Variants in KIF1A observed in about 807,000 individuals in gnomAD.
The protein encoded by KIF1A is kinesin-like protein KIF1A.
Under a neutral mutation model 227.3 loss-of-function variants are expected in KIF1A, and 46 were observed. That is an observed-to-expected ratio of 0.20 (90% CI 0.16 to 0.26). The LOEUF is 0.26. KIF1A is among the 10% of genes least tolerant of loss of function. KIF1A has a pLI of 1.00. For missense variants in KIF1A, 1,683 were observed against 2,485.9 expected (o/e 0.68, Z 6.87); for synonymous variants, 1,022 against 1,012.8 (o/e 1.01, Z -0.17).
chr2:240,801,079 A>G (rs1449521952), intron 1 of KIF1A, among the ~76,000 whole-genome samples: 2 of 152,212 alleles, frequency 1.3e-5, no homozygotes, highest in African/African-American at 2.4e-5. Context: ...GTGACATCCA[A>G]TCAAAACTTA....
rs375788788 is a variant in KIF1A at position 240,739,732 on chromosome 2, C to T, written c.3901+326G>A. ...CAGAGAGAGAGAGCGCGCCTCTTGCCGGCACCTTGATTTTGGACCTCTGGC... is the reference window on the plus strand; with the variant it reads ...CAGAGAGAGAGAGCGCGCCTCTTGCTGGCACCTTGATTTTGGACCTCTGGC... On this transcript the variant is annotated intron_variant, in intron 37 of 48. Transcript: ENST00000498729. The surrounding 1 kb of genome is among the most constrained non-coding windows in gnomAD (Gnocchi z 5.6). 1.3e-5 allele frequency among the ~76,000 whole-genome samples: 2 copies of T among 152,084 alleles called. No individual in the cohort carries two copies. The highest frequency in any genetic ancestry group is 4.8e-5 in the African/African-American group (2 of 41,402).
rs2053089964 is a variant in KIF1A, at chr2:240,778,543, C to CACACACACACACACACACAG, written c.883-2618_883-2617insCTGTGTGTGTGTGTGTGTGT. ...ACACACACACACACACACACACACA[C>CACACACACACACACACACAG]AGGCTTCTCAGTGTCCCACGGGCCT... On this transcript the variant is annotated intron_variant, in intron 10 of 48. Transcript: ENST00000498729. This position sits in a 1 kb window ranked among gnomAD's most constrained non-coding sequence, Gnocchi z 7.2. Among the ~76,000 whole-genome samples the CACACACACACACACACACAG allele has an allele frequency of 6.7e-6, 1 of 149,874 alleles. No individual in the cohort carries two copies. Among genetic ancestry groups the CACACACACACACACACACAG allele is most frequent in the Non-Finnish European group, 1.5e-5 (1 of 67,294 alleles).
At chr2:240,737,357 T>C in intron 37 of KIF1A, 189 bp from the exon 38 acceptor site, 1 of 545,186 alleles carries the variant, frequency 1.8e-6, no homozygotes, top group Non-Finnish European at 3.4e-6. Context: ...CCATGTGTAG[T>C]TGCTGCTCCA....
intron 10 of KIF1A, among the ~76,000 whole-genome samples, chr2:240,780,700 T>C (rs1180583305): frequency 6.6e-6 from 1 of 151,130 alleles, no homozygotes; most frequent in Non-Finnish European, 1.5e-5. Flanking sequence ...ATTCCTCTGG[T>C]CCTCACACAG....
intron 44 of KIF1A, among the ~76,000 whole-genome samples, chr2:240,721,377 G>A (rs954297590): frequency 1.3e-5 from 2 of 152,250 alleles, no homozygotes; most frequent in African/African-American, 4.8e-5. Flanking sequence ...GACAAGGAAG[G>A]CCATGGGCCA....
At position 240,788,036 on chromosome 2, in the gene KIF1A, C is replaced by CGGG; in HGVS notation, c.363+14_363+15insCCC. 1 of 1,481,092 alleles carries CGGG rather than the reference C, an allele frequency of 6.8e-7. No individual in the cohort carries two copies. 91.7% of individuals were successfully genotyped at this position (1,481,092 alleles called of 1,614,324 possible). A position where few individuals can be genotyped will look rare whatever the true frequency, so the allele number is the denominator to read the frequency against. On this transcript the variant is annotated intron_variant, in intron 4 of 48. Coordinates refer to ENST00000498729, the MANE Select transcript of KIF1A (RefSeq NM_001244008.2). This position sits in a 1 kb window ranked among gnomAD's most constrained non-coding sequence, Gnocchi z 6.6. ...CATCTGCCAGGGCTGCCCCCGCCCG[C>CGGG]CCCCCGCTTCGTGCCTGTGGGATGA...
At position 240,752,410 on chromosome 2, in the gene KIF1A, C is replaced by T. The variant is rs753411049; in HGVS notation, c.2859-1863G>A. 1.3e-5 allele frequency among the ~76,000 whole-genome samples: 2 copies of T among 152,152 alleles called. No individual in the cohort carries two copies. Among genetic ancestry groups the T allele is most frequent in the African/African-American group, 2.4e-5 (1 of 41,450 alleles). On this transcript the variant is annotated intron_variant, in intron 27 of 48. Transcript: ENST00000498729. The surrounding 1 kb of genome is among the most constrained non-coding windows in gnomAD (Gnocchi z 6.4). ...CTGCTGGGTGCTCCGCAGGCAGGGA[C>T]TCACCAGCATCCCCTTGGGAGGGGG...
At chr2:240,814,965 C>A (rs922811479) in intron 1 of KIF1A, among the ~76,000 whole-genome samples, 1 of 152,198 alleles carries the variant, frequency 6.6e-6, no homozygotes, top group South Asian at 2.1e-4. Flanking sequence ...AAATAAAACA[C>A]CAACCAAGAA....
intron 1 of KIF1A, among the ~76,000 whole-genome samples, chr2:240,816,527 C>T (rs576198371): frequency 2.6e-5 from 4 of 152,242 alleles, no homozygotes; most frequent in South Asian, 2.1e-4. Context: ...CCTCCCTATA[C>T]CCCAAGGCGT....
intron 24 of KIF1A, 139 bp from the exon 25 acceptor site, chr2:240,760,982 C>T (rs1458751573): frequency 6.4e-6 from 6 of 944,180 alleles, no homozygotes; most frequent in African/African-American, 1.7e-5. Flanking sequence ...AGACAGCCGC[C>T]AGGGGGGACC....
In KIF1A at chr2:240,765,798, A is replaced by G; in HGVS notation, c.1685-5T>C. ...AGGGCTCCAAGGTCACCACAGCTACAGGAAAGGTGGGAGGGGCAGAGAGGA... is the reference window on the plus strand; with the variant it reads ...AGGGCTCCAAGGTCACCACAGCTACGGGAAAGGTGGGAGGGGCAGAGAGGA... On this transcript the variant is annotated splice_polypyrimidine_tract_variant and splice_region_variant and intron_variant, in intron 19 of 48. Coordinates refer to ENST00000498729, the MANE Select transcript of KIF1A (RefSeq NM_001244008.2). 2 of 1,612,076 alleles carry G rather than the reference A, an allele frequency of 1.2e-6. No individual in the cohort carries two copies. Among genetic ancestry groups the G allele is most frequent in the Non-Finnish European group, 8.5e-7 (1 of 1,178,512 alleles).
Position 240,717,290 on chromosome 2 carries a change from G to T in KIF1A, c.*74C>A. On this transcript the variant is annotated 3_prime_UTR_variant, in exon 49 of 49. Coordinates refer to ENST00000498729, the MANE Select transcript of KIF1A (RefSeq NM_001244008.2). ...CTGTCTGGCAGGAGAGGGGCTGGGC[G>T]GCAGGTGACAGGACAGACGAGGATG... is the stretch of plus-strand genomic sequence containing the variant. 7.1e-7 allele frequency: 1 copy of T among 1,408,072 alleles called. No homozygotes were observed. The highest frequency in any genetic ancestry group is 1.0e-6 in the Non-Finnish European group (1 of 1,004,114). 87.2% of individuals were successfully genotyped at this position (1,408,072 alleles called of 1,614,324 possible). A position where few individuals can be genotyped will look rare whatever the true frequency, so the allele number is the denominator to read the frequency against.
In KIF1A at chr2:240,736,412, G is replaced by A. The variant is rs1451088368; in HGVS notation, c.4007+651C>T. Among the ~76,000 whole-genome samples the A allele has an allele frequency of 6.6e-6, 1 of 152,092 alleles. No individual in the cohort carries two copies. Among genetic ancestry groups the A allele is most frequent in the Non-Finnish European group, 1.5e-5 (1 of 68,006 alleles). On this transcript the variant is annotated intron_variant, in intron 38 of 48. Transcript: ENST00000498729. This position sits in a 1 kb window ranked among gnomAD's most constrained non-coding sequence, Gnocchi z 4.7. ...CCCGCGGGACGTCCCCACCCACCAG[G>A]GCTGCCCCTGGCAGTGCTGAGCCAC...
intron 33 of KIF1A, among the ~76,000 whole-genome samples, chr2:240,743,470 C>T (rs547111376): frequency 5.9e-5 from 9 of 152,294 alleles, no homozygotes; most frequent in Non-Finnish European, 1.2e-4. Flanking sequence ...GGTGAGATGG[C>T]CTGAGTGGAA....
At chr2:240,796,131 C>T (rs1201782603) in intron 2 of KIF1A, among the ~76,000 whole-genome samples, 1 of 152,210 alleles carries the variant, frequency 6.6e-6, no homozygotes, top group Non-Finnish European at 1.5e-5. Context: ...ACAGTGCTCA[C>T]CAGAGGTCAC....
intron 44 of KIF1A, 29 bp downstream of exon 44, chr2:240,721,778 G>A (rs1230967495): frequency 6.3e-7 from 1 of 1,578,624 alleles, no homozygotes; most frequent in Admixed American, 1.7e-5. Flanking sequence ...GCCCTGCGGG[G>A]CAGCCTGGTG....
chr2:240,787,682 A>T (rs932211505), intron 4 of KIF1A, among the ~76,000 whole-genome samples: 1 of 152,112 alleles, frequency 6.6e-6, no homozygotes, highest in South Asian at 2.1e-4. Flanking sequence ...GCAAATGAGG[A>T]GCTGCTGGGT....
At chr2:240,731,631 G>C (rs1244458300) in intron 38 of KIF1A, among the ~76,000 whole-genome samples, 1 of 152,228 alleles carries the variant, frequency 6.6e-6, no homozygotes, top group African/African-American at 2.4e-5. Flanking sequence ...CCCTGACCGG[G>C]AGCTGCCTTT....
chr2:240,794,564 T>C (rs994792660), intron 2 of KIF1A, among the ~76,000 whole-genome samples: 1 of 152,248 alleles, frequency 6.6e-6, no homozygotes, highest in Non-Finnish European at 1.5e-5. Context: ...CGGGATAGAC[T>C]TAACATCCCT....
Sources: gnomAD v4.1 joint callset for allele counts (sites outside exome capture counted in the v4.1 genomes callset) on GRCh38, gnomAD v4.1.1 for gene constraint, Gnocchi (gnomAD v3.1) non-coding constraint, MANE v1.5 for transcripts, NCBI Gene and HGNC (gene_info 2026-07-23, HGNC 2026-07-21) for gene names.